The following SLC2A13 variants were observed in gnomAD, a reference collection of about 807,000 sequenced individuals.
The protein encoded by SLC2A13 is proton myo-inositol cotransporter.
SLC2A13 carries 32 observed loss-of-function variants against 64.4 expected under a neutral mutation model. The observed-to-expected ratio is 0.50, with a 90% CI of 0.37 to 0.67. The LOEUF is 0.67. SLC2A13 is among the 30% of genes least tolerant of loss of function. The pLI is 0.00. For synonymous variants in SLC2A13, 338 were observed against 327.1 expected (o/e 1.03, Z -0.36); for missense variants, 743 against 829.2 (o/e 0.90, Z 1.28).
intron 3 of SLC2A13, among the ~76,000 whole-genome samples, chr12:40,008,597 C>A (rs530967241): frequency 2.0e-5 from 3 of 146,568 alleles, no homozygotes; most frequent in Non-Finnish European, 4.5e-5. Flanking sequence ...GGCGACAGAG[C>A]GAGACTGCGT....
intron 1 of SLC2A13, among the ~76,000 whole-genome samples, chr12:40,051,759 C>A (rs530412689): frequency 6.6e-6 from 1 of 151,968 alleles, no homozygotes; most frequent in Non-Finnish European, 1.5e-5. Flanking sequence ...GAAGGGGTGG[C>A]GGACTACTTT....
At chr12:39,965,770 A>G (rs987968436) in intron 3 of SLC2A13, among the ~76,000 whole-genome samples, 1 of 152,134 alleles carries the variant, frequency 6.6e-6, no homozygotes, top group Admixed American at 6.6e-5. Flanking sequence ...ATTTGATTTG[A>G]AGGCAAACCT....
At position 39,784,130 on chromosome 12, in the gene SLC2A13, G is replaced by A. The variant is rs552925743; in HGVS notation, c.1446-19272C>T. Among the ~76,000 whole-genome samples, 176 of 152,254 alleles carry A rather than the reference G, an allele frequency of 1.2e-3. 2 individuals are homozygous for A. Among genetic ancestry groups the A allele is most frequent in the African/African-American group, 3.9e-3 (160 of 41,552 alleles). On this transcript the variant is annotated intron_variant, in intron 7 of 9. Transcript: ENST00000280871. Reference sequence around the variant, plus strand: ...CTCATGGATAGGAAGAATCAATATCGTGAAAATGGCTATACTGCCCAAGGT... The same window carrying A: ...CTCATGGATAGGAAGAATCAATATCATGAAAATGGCTATACTGCCCAAGGT...
intron 4 of SLC2A13, among the ~76,000 whole-genome samples, chr12:39,922,052 T>G (rs1945623293): frequency 6.6e-6 from 1 of 152,122 alleles, no homozygotes; most frequent in Non-Finnish European, 1.5e-5. Flanking sequence ...TGTTTCAAAT[T>G]TATGCGATTT....
At chr12:39,919,136 C>A (rs1319153225) in intron 4 of SLC2A13, among the ~76,000 whole-genome samples, 1 of 151,954 alleles carries the variant, frequency 6.6e-6, no homozygotes, top group Non-Finnish European at 1.5e-5. Flanking sequence ...TTGTGTGCCA[C>A]CACACCTGCA....
At chr12:39,859,717 G>A (rs1234239915) in intron 6 of SLC2A13, among the ~76,000 whole-genome samples, 1 of 151,982 alleles carries the variant, frequency 6.6e-6, no homozygotes, top group African/African-American at 2.4e-5. Flanking sequence ...AGTAGAGCTG[G>A]GGTTTCACCA....
intron 6 of SLC2A13, among the ~76,000 whole-genome samples, chr12:39,843,432 A>C (rs1264336885): frequency 6.6e-6 from 1 of 152,098 alleles, no homozygotes; most frequent in African/African-American, 2.4e-5. Flanking sequence ...GGCCTTTTGC[A>C]GAAAGAATAA....
chr12:39,874,285 A>T (rs1210801388), intron 4 of SLC2A13, among the ~76,000 whole-genome samples: 3 of 152,132 alleles, frequency 2.0e-5, no homozygotes, highest in Non-Finnish European at 4.4e-5. Flanking sequence ...GGGTTCACAG[A>T]CATAAGTACT....
intron 3 of SLC2A13, among the ~76,000 whole-genome samples, chr12:39,992,488 C>A (rs1947153325): frequency 6.6e-6 from 1 of 152,130 alleles, no homozygotes; most frequent in Non-Finnish European, 1.5e-5. Context: ...TTTTCTTTCA[C>A]TCATTTTCAT....
intron 4 of SLC2A13, among the ~76,000 whole-genome samples, chr12:39,873,376 G>T (rs1379045855): frequency 1.3e-5 from 2 of 152,246 alleles, no homozygotes; most frequent in East Asian, 1.9e-4. Context: ...TTCCATTTGT[G>T]CAGTGTTTTA....
At chr12:39,936,599 T>A (rs917893495) in intron 4 of SLC2A13, among the ~76,000 whole-genome samples, 1 of 152,088 alleles carries the variant, frequency 6.6e-6, no homozygotes, top group African/African-American at 2.4e-5. Flanking sequence ...ATATGAGCTC[T>A]GACTAAAGCA....
In SLC2A13 at chr12:40,049,214, TA is replaced by T. The variant is rs199668365; in HGVS notation, c.557-1005del. ...TAATCAATACTTACCAAAGCCTCCA[TA>T]AAAAAAAAAAGATTGCCTAAAAAAT... On this transcript the variant is annotated intron_variant, in intron 1 of 9. Coordinates refer to ENST00000280871, the MANE Select transcript of SLC2A13 (RefSeq NM_052885.4). 2.0e-3 allele frequency among the ~76,000 whole-genome samples: 288 copies of T among 144,360 alleles called. 2 individuals are homozygous for T. Among genetic ancestry groups the T allele is most frequent in the African/African-American group, 5.6e-3 (224 of 39,654 alleles). 94.7% of individuals were successfully genotyped at this position (144,360 alleles called of 152,430 possible).
intron 2 of SLC2A13, among the ~76,000 whole-genome samples, chr12:40,036,265 A>G (rs1235580041): frequency 6.6e-6 from 1 of 152,208 alleles, no homozygotes; most frequent in East Asian, 1.9e-4. Context: ...TTCATTGGTC[A>G]ATGCAGAACA....
intron 2 of SLC2A13, among the ~76,000 whole-genome samples, chr12:40,038,353 A>G (rs1948023851): frequency 6.6e-6 from 1 of 152,158 alleles, no homozygotes; most frequent in Non-Finnish European, 1.5e-5. Flanking sequence ...GTCAGGGGGC[A>G]TATATTTCAT....
rs886375151 is a variant in SLC2A13 at position 40,105,886 on chromosome 12, G to A, written c.-78C>T. On this transcript the variant is annotated 5_prime_UTR_variant, in exon 1 of 10. Transcript: ENST00000280871. The surrounding 1 kb of genome is among the most constrained non-coding windows in gnomAD (Gnocchi z 4.2). ...CTCGGCGAGCTAGACAGCCCGAGCC[G>A]GCGGGAGCAACCGCCGCTGCCGCCG... The A allele has an allele frequency of 3.9e-6, 5 of 1,267,828 alleles. No homozygotes were observed. The African/African-American group carries it at 4.7e-5, about 12-fold the overall frequency. 78.5% of individuals were successfully genotyped at this position (1,267,828 alleles called of 1,614,324 possible).
At chr12:39,951,721 A>G (rs1412986509) in intron 3 of SLC2A13, among the ~76,000 whole-genome samples, 1 of 152,206 alleles carries the variant, frequency 6.6e-6, no homozygotes, top group African/African-American at 2.4e-5. Flanking sequence ...TTTCTTGTCA[A>G]TTAAGTATTA....
At chr12:39,974,244 A>AC (rs1490965105) in intron 3 of SLC2A13, among the ~76,000 whole-genome samples, 1 of 152,232 alleles carries the variant, frequency 6.6e-6, no homozygotes, top group African/African-American at 2.4e-5. Flanking sequence ...GCTAGAACTT[A>AC]GTCAAGAATC....
chr12:39,805,750 G>A (rs1228949657), intron 7 of SLC2A13, among the ~76,000 whole-genome samples: 1 of 152,128 alleles, frequency 6.6e-6, no homozygotes, highest in Admixed American at 6.6e-5. Flanking sequence ...AGTAACTTAG[G>A]TATCAATGAA....
intron 1 of SLC2A13, among the ~76,000 whole-genome samples, chr12:40,050,130 C>A (rs764846255): frequency 6.6e-6 from 1 of 152,178 alleles, no homozygotes; most frequent in Non-Finnish European, 1.5e-5. Context: ...AATGTTGACA[C>A]GGGATTTGTA....
Sources: allele counts gnomAD v4.1 joint callset (sites outside exome capture counted in the v4.1 genomes callset), GRCh38; gene constraint gnomAD v4.1.1; non-coding constraint Gnocchi (gnomAD v3.1); transcripts MANE v1.5; gene names NCBI Gene and HGNC (gene_info 2026-07-23, HGNC 2026-07-21).